The following NAV3 variants were observed in gnomAD, a reference collection of about 807,000 sequenced individuals.
NAV3 encodes the protein neuron navigator 3, also known as pore membrane and/or filament interacting like protein 1.
A neutral mutation model predicts 244.7 loss-of-function variants in NAV3; 87 were observed. The ratio of observed to expected loss-of-function variants is 0.36; its 90% CI spans 0.30 to 0.42. The LOEUF (loss-of-function observed/expected upper bound fraction) is 0.42, where lower values mean the gene tolerates loss of function less well. Ranked by LOEUF, NAV3 falls within the 20% of genes least tolerant of loss-of-function variation. The pLI, the probability that NAV3 is intolerant of heterozygous loss-of-function variation, is 1.00. For missense variants in NAV3, 2,663 were observed against 2,893.3 expected (o/e 0.92, Z 1.83); for synonymous variants, 1,126 against 1,042.2 (o/e 1.08, Z -1.55).
chr12:77,867,900 G>T (rs914881704), intron 1 of NAV3, among the ~76,000 whole-genome samples: 1 of 152,216 alleles, frequency 6.6e-6, no homozygotes, highest in African/African-American at 2.4e-5. Context: ...AGATTGCTGG[G>T]CAAGGGCCCC....
chr12:78,084,945 T>C (rs929416876), intron 12 of NAV3, among the ~76,000 whole-genome samples: 13 of 151,944 alleles, frequency 8.6e-5, no homozygotes, highest in Admixed American at 2.6e-4. Flanking sequence ...AAGAGTAAAA[T>C]GATAAAATTT....
intron 2 of NAV3, among the ~76,000 whole-genome samples, chr12:77,748,494 T>A (rs527790455): frequency 1.2e-4 from 19 of 152,176 alleles, no homozygotes; most frequent in Non-Finnish European, 2.2e-4. Context: ...AACCTCAGTG[T>A]CTGTTGATGG....
rs1372649691 is a variant in NAV3 at position 77,932,453 on chromosome 12, C to T, written c.244-7866C>T. ...TGTGGGTCCATCTTCCTTTACTACT[C>T]TGCTACATGTGTATCATTCTTTCAT... On this transcript the variant is annotated intron_variant, in intron 1 of 39. Coordinates refer to ENST00000397909, the MANE Select transcript of NAV3 (RefSeq NM_001024383.2). Among the ~76,000 whole-genome samples the T allele has an allele frequency of 4.6e-5, 7 of 152,192 alleles. No individual in the cohort carries two copies. In the East Asian group the frequency reaches 1.3e-3, roughly 29 times the overall value.
chr12:77,903,694 A>T (rs1490397911), intron 1 of NAV3, among the ~76,000 whole-genome samples: 5 of 152,204 alleles, frequency 3.3e-5, no homozygotes, highest in Non-Finnish European at 7.3e-5. Flanking sequence ...AACTACCATC[A>T]GAGTGAAAAG....
chr12:77,880,483 T>C (rs928699025), intron 1 of NAV3, among the ~76,000 whole-genome samples: 12 of 152,126 alleles, frequency 7.9e-5, no homozygotes, highest in Non-Finnish European at 1.3e-4. Context: ...GACTAATCAC[T>C]GGACGCCATC....
intron 2 of NAV3, among the ~76,000 whole-genome samples, chr12:77,743,940 T>TGACACA (rs1399192890): frequency 4.6e-5 from 7 of 151,800 alleles, no homozygotes; most frequent in Admixed American, 6.6e-5. Context: ...AAGGATGGTA[T>TGACACA]TACTTAATGA....
At chr12:77,905,934 C>T (rs1192855772) in intron 1 of NAV3, among the ~76,000 whole-genome samples, 2 of 152,114 alleles carry the variant, frequency 1.3e-5, no homozygotes, top group Non-Finnish European at 2.9e-5. Flanking sequence ...TCGTGAGTAC[C>T]GTTCCCACGA....
At chr12:78,205,174 T>C in intron 39 of NAV3, 36 bp downstream of exon 39, 2 of 1,576,776 alleles carry the variant, frequency 1.3e-6, no homozygotes, top group East Asian at 4.5e-5. Flanking sequence ...CTATGTAATC[T>C]TGACTACAGT....
intron 9 of NAV3, among the ~76,000 whole-genome samples, chr12:78,046,344 T>C (rs947356315): frequency 3.9e-5 from 6 of 152,218 alleles, no homozygotes; most frequent in Non-Finnish European, 8.8e-5. Context: ...TTTAGATATT[T>C]CCTGCTTTCT....
At chr12:77,630,238 T>C (rs970044027) in intron 2 of NAV3, among the ~76,000 whole-genome samples, 1 of 152,134 alleles carries the variant, frequency 6.6e-6, no homozygotes, top group Non-Finnish European at 1.5e-5. Context: ...TCGTTGGTGG[T>C]GAGGAACCTC....
chr12:77,840,963 G>T (rs1875536187), intron 1 of NAV3, among the ~76,000 whole-genome samples: 1 of 152,168 alleles, frequency 6.6e-6, no homozygotes, highest in South Asian at 2.1e-4. Context: ...CTTACCAGGA[G>T]CACTGAATTA....
At position 77,593,288 on chromosome 12, in the gene NAV3, G is replaced by C. The variant is rs11105825; in HGVS notation, c.72+21022G>C. ...AGTGTGTGTATGTGTGTCTGTGTGT[G>C]TGTGTGTGTGTGTGTATTCCTTAGG... On this transcript the variant is annotated intron_variant, in intron 2 of 8. Coordinates refer to the NAV3 transcript ENST00000550042. 1.5e-4 allele frequency among the ~76,000 whole-genome samples: 22 copies of C among 151,682 alleles called. No homozygotes were observed. In the East Asian group the frequency reaches 4.3e-3, roughly 29 times the overall value.
chr12:77,933,716 G>A (rs941870522), intron 1 of NAV3, among the ~76,000 whole-genome samples: 6 of 152,162 alleles, frequency 3.9e-5, no homozygotes, highest in African/African-American at 1.4e-4. Flanking sequence ...TACCACATGA[G>A]CTATTGAGAT....
chr12:77,667,037 A>G (rs1873747014), intron 2 of NAV3, among the ~76,000 whole-genome samples: 1 of 152,216 alleles, frequency 6.6e-6, no homozygotes, highest in Non-Finnish European at 1.5e-5. Flanking sequence ...CCAAATCCGA[A>G]GAATACATTT....
chr12:78,172,759 A>G lies in NAV3; in HGVS notation c.4982-2547A>G, dbSNP rs868773693. On this transcript the variant is annotated intron_variant, in intron 24 of 39. Transcript: ENST00000397909. ...TAAGGAAAATACTAAGCAAACATGT[A>G]ATAAGAAGAACACGGTTGATGAGTT... Among the ~76,000 whole-genome samples, 7 of 151,758 alleles carry G rather than the reference A, an allele frequency of 4.6e-5. No individual in the cohort carries two copies. In the Middle Eastern group the frequency reaches 0.024, roughly 516 times the overall value.
chr12:78,045,345 G>A (rs933767531), intron 9 of NAV3, among the ~76,000 whole-genome samples: 1 of 152,058 alleles, frequency 6.6e-6, no homozygotes, highest in Admixed American at 6.6e-5. Context: ...ACACCGGCTG[G>A]AGTGCAATGG....
At chr12:77,669,312 C>T (rs1265839817) in intron 2 of NAV3, among the ~76,000 whole-genome samples, 2 of 152,042 alleles carry the variant, frequency 1.3e-5, no homozygotes, top group African/African-American at 4.8e-5. Flanking sequence ...CGTATTCAGG[C>T]AACAAATAGC....
At chr12:77,920,685 C>T (rs1002002238) in intron 1 of NAV3, among the ~76,000 whole-genome samples, 15 of 151,904 alleles carry the variant, frequency 9.9e-5, no homozygotes, top group Non-Finnish European at 1.5e-4. Context: ...TTCATGTAGG[C>T]GAATATTTGT....
chr12:77,801,386 A>G (rs1054566928), intron 2 of NAV3, among the ~76,000 whole-genome samples: 1 of 152,066 alleles, frequency 6.6e-6, no homozygotes, highest in African/African-American at 2.4e-5. Flanking sequence ...TTCCTCTTCT[A>G]TTTTTAAAAT....
Sources: allele counts gnomAD v4.1 joint callset (sites outside exome capture counted in the v4.1 genomes callset), GRCh38; gene constraint gnomAD v4.1.1; transcripts MANE v1.5; gene names NCBI Gene and HGNC (gene_info 2026-07-23, HGNC 2026-07-21).